AGBL4: variants seen among roughly 807,000 people sequenced by gnomAD.
The protein encoded by AGBL4 is AGBL carboxypeptidase 4, also known as cytosolic carboxypeptidase 6.
Under a neutral mutation model 66.4 loss-of-function variants are expected in AGBL4, and 58 were observed. That is an observed-to-expected ratio of 0.87 (90% CI 0.71 to 1.09). AGBL4 has a LOEUF of 1.09. Among genes scored for constraint, AGBL4 ranks in the 50% least tolerant of loss-of-function variants. The pLI is 0.00. For missense variants in AGBL4, 579 were observed against 631.0 expected, an observed-to-expected ratio of 0.92 and a Z score of 0.88; for synonymous variants, 234 against 222.9, an observed-to-expected ratio of 1.05 and a Z score of -0.44.
chr1:49,606,920 T>C (rs1259310597), intron 3 of AGBL4, among the ~76,000 whole-genome samples: 1 of 152,132 alleles, frequency 6.6e-6, no homozygotes, highest in Non-Finnish European at 1.5e-5. Flanking sequence ...TGTGGAGGCC[T>C]GGGCTATGGT....
intron 5 of AGBL4, among the ~76,000 whole-genome samples, chr1:48,930,801 T>TTCAC (rs976916479): frequency 6.6e-6 from 1 of 151,990 alleles, no homozygotes; most frequent in African/African-American, 2.4e-5. Context: ...TGGAGGTTCA[T>TTCAC]TCACTCATTC....
intron 6 of AGBL4, among the ~76,000 whole-genome samples, chr1:48,710,929 C>CAAAAAAAAAAAAAAAAAAAAAAAA (rs1557895437): frequency 6.6e-6 from 1 of 152,166 alleles, no homozygotes; most frequent in African/African-American, 2.4e-5. Context: ...AGATCCAGCT[C>CAAAAAAAAAAAAAAAAAAAAAAAA]AGACATTACC....
chr1:48,683,536 T>C (rs1646486851), intron 6 of AGBL4, among the ~76,000 whole-genome samples: 1 of 151,990 alleles, frequency 6.6e-6, no homozygotes, highest in Non-Finnish European at 1.5e-5. Context: ...AGGGAGAGTA[T>C]TTGGGATGAG....
intron 3 of AGBL4, among the ~76,000 whole-genome samples, chr1:49,576,129 A>C (rs1429106877): frequency 6.6e-6 from 1 of 152,184 alleles, no homozygotes; most frequent in Admixed American, 6.5e-5. Flanking sequence ...AAGTTGCTGC[A>C]TTTGACCTCT....
chr1:48,979,298 T>A (rs1264451474), intron 5 of AGBL4, among the ~76,000 whole-genome samples: 1 of 152,194 alleles, frequency 6.6e-6, no homozygotes, highest in Admixed American at 6.5e-5. Flanking sequence ...CTAATTCATT[T>A]TATTTACTAT....
chr1:49,511,623 TAA>T lies in AGBL4; in HGVS notation c.282+185688_282+185689del, dbSNP rs1025287105. 1.3e-5 allele frequency among the ~76,000 whole-genome samples: 2 copies of T among 151,068 alleles called. 1 individual carries two copies. The highest frequency in any genetic ancestry group is 3.0e-5 in the Non-Finnish European group (2 of 67,758). On this transcript the variant is annotated intron_variant, in intron 3 of 13. Coordinates refer to ENST00000371839, the MANE Select transcript of AGBL4 (RefSeq NM_032785.4). ...AGTATAATTAAAAAAAATTTTTTTT[TAA>T]AAAAATTGAAGCTCCTTAGCTTGGC...
At chr1:49,755,694 A>C (rs12735035) in intron 2 of AGBL4, among the ~76,000 whole-genome samples, 64,416 of 152,040 alleles carry the variant, frequency 0.42, 16,188 homozygotes, top group Non-Finnish European at 0.57. Flanking sequence ...AGGCAGCAGC[A>C]TGAATTAACC....
chr1:49,228,559 A>G (rs1367642866), intron 4 of AGBL4, among the ~76,000 whole-genome samples: 1 of 152,254 alleles, frequency 6.6e-6, no homozygotes, highest in Non-Finnish European at 1.5e-5. Flanking sequence ...GGGAATAGCC[A>G]GTGCAAAGGC....
chr1:49,811,081 T>C (rs1327246462), intron 2 of AGBL4, among the ~76,000 whole-genome samples: 2 of 152,242 alleles, frequency 1.3e-5, no homozygotes, highest in Admixed American at 1.3e-4. Context: ...GACCTAGATA[T>C]CTATCCGAAA....
intron 6 of AGBL4, chr1:48,776,876 G>A (rs1346169753): frequency 1.5e-6 from 2 of 1,362,784 alleles, no homozygotes; most frequent in Non-Finnish European, 2.0e-6. Flanking sequence ...TCAGCCCGCG[G>A]GGCGGGCGCG....
chr1:48,881,515 T>C (rs746367672), intron 5 of AGBL4, among the ~76,000 whole-genome samples: 2 of 152,170 alleles, frequency 1.3e-5, no homozygotes, highest in South Asian at 2.1e-4. Context: ...GAATATCCAC[T>C]TGGGCCTGAA....
intron 3 of AGBL4, among the ~76,000 whole-genome samples, chr1:49,604,438 ATTTG>A (rs1645026532): frequency 6.6e-6 from 1 of 152,032 alleles, no homozygotes. Flanking sequence ...ATTCATGCTG[ATTTG>A]TTTGAGTTCC....
In AGBL4 at chr1:49,175,880, G is replaced by A. The variant is rs549589601; in HGVS notation, c.377+69890C>T. On this transcript the variant is annotated intron_variant, in intron 4 of 13. Coordinates refer to ENST00000371839, the MANE Select transcript of AGBL4 (RefSeq NM_032785.4). ...CTGCAAAAAAGATAAGATGCTACCT[G>A]TGTAGATGACATGGTGATGAGTGAC... 2.0e-5 allele frequency among the ~76,000 whole-genome samples: 3 copies of A among 152,230 alleles called. No homozygotes were observed. In the South Asian group the frequency reaches 6.2e-4, roughly 32 times the overall value.
At chr1:49,630,716 TC>T (rs756627388) in intron 3 of AGBL4, among the ~76,000 whole-genome samples, 1 of 152,178 alleles carries the variant, frequency 6.6e-6, no homozygotes, top group Admixed American at 6.5e-5. Flanking sequence ...CCTCTGTGCT[TC>T]CTTATCAAAC....
At chr1:49,901,452 A>G (rs764433732) in intron 1 of AGBL4, among the ~76,000 whole-genome samples, 1 of 152,222 alleles carries the variant, frequency 6.6e-6, no homozygotes, top group Non-Finnish European at 1.5e-5. Context: ...TTGTCACAAA[A>G]AAAGAATAAA....
At chr1:49,644,952 G>A (rs1645856174) in intron 3 of AGBL4, among the ~76,000 whole-genome samples, 1 of 151,490 alleles carries the variant, frequency 6.6e-6, no homozygotes, top group South Asian at 2.1e-4. Flanking sequence ...GGAATTAAAT[G>A]AGAAATCCCT....
chr1:48,827,911 T>C (rs1229848265), intron 6 of AGBL4, among the ~76,000 whole-genome samples: 3 of 151,020 alleles, frequency 2.0e-5, no homozygotes, highest in Non-Finnish European at 4.4e-5. Context: ...TCCCAGCACT[T>C]TGGGAGGCCG....
intron 4 of AGBL4, among the ~76,000 whole-genome samples, chr1:49,198,324 CTTTTA>C (rs922022875): frequency 1.3e-5 from 2 of 151,986 alleles, no homozygotes; most frequent in African/African-American, 4.8e-5. Flanking sequence ...TGATGTGAAT[CTTTTA>C]TTTTACTTTT....
intron 1 of AGBL4, among the ~76,000 whole-genome samples, chr1:49,947,160 C>G (rs1213699866): frequency 6.6e-6 from 1 of 151,714 alleles, no homozygotes; most frequent in East Asian, 1.9e-4. Flanking sequence ...TTCCACAAGA[C>G]AGAGAAAGAG....
Sources: gnomAD v4.1 joint callset for allele counts (sites outside exome capture counted in the v4.1 genomes callset) on GRCh38, gnomAD v4.1.1 for gene constraint, MANE v1.5 for transcripts, NCBI Gene and HGNC (gene_info 2026-07-23, HGNC 2026-07-21) for gene names.